ITPR1: variants seen among roughly 807,000 people sequenced by gnomAD.
The protein encoded by ITPR1 is inositol 1,4,5-trisphosphate-gated calcium channel ITPR1.
In ITPR1, 96 loss-of-function variants were observed where a neutral mutation model predicts 318.4. That is an observed-to-expected ratio of 0.30 (90% CI 0.26 to 0.36). The LOEUF is 0.36. ITPR1 is among the 10% of genes least tolerant of loss of function. The pLI is 1.00. For missense variants in ITPR1, 2,440 were observed against 3,460.2 expected, an observed-to-expected ratio of 0.71 and a Z score of 7.40; for synonymous variants, 1,312 against 1,289.9, an observed-to-expected ratio of 1.02 and a Z score of -0.37.
At chr3:4,827,685 A>T (rs2050167052) in intron 60 of ITPR1, among the ~76,000 whole-genome samples, 1 of 152,200 alleles carries the variant, frequency 6.6e-6, no homozygotes, top group Admixed American at 6.5e-5. Context: ...AGATTCCAAT[A>T]AGCAACATTC....
intron 30 of ITPR1, among the ~76,000 whole-genome samples, chr3:4,687,932 T>C (rs2094422524): frequency 6.6e-6 from 1 of 152,132 alleles, no homozygotes; most frequent in South Asian, 2.1e-4. Flanking sequence ...ATGGCAAAAG[T>C]TAATGTCTAA....
At chr3:4,701,164 C>A (rs1191330318) in intron 35 of ITPR1, among the ~76,000 whole-genome samples, 1 of 152,176 alleles carries the variant, frequency 6.6e-6, no homozygotes, top group Non-Finnish European at 1.5e-5. Flanking sequence ...AGGAGCAGAT[C>A]AGGTGTTCCA....
At chr3:4,704,032 A>G (rs535783091) in intron 36 of ITPR1, among the ~76,000 whole-genome samples, 1 of 152,320 alleles carries the variant, frequency 6.6e-6, no homozygotes, top group Admixed American at 6.5e-5. Flanking sequence ...ACACGTTCTC[A>G]CTTAAAGTGG....
intron 4 of ITPR1, among the ~76,000 whole-genome samples, chr3:4,591,529 A>G (rs902594832): frequency 2.0e-5 from 3 of 152,208 alleles, no homozygotes; most frequent in Non-Finnish European, 4.4e-5. Flanking sequence ...ACTTTGATTC[A>G]GGAAAGCATT....
intron 35 of ITPR1, 48 bp downstream of exon 35, chr3:4,699,989 C>T (rs767648583): frequency 1.9e-6 from 3 of 1,573,428 alleles, no homozygotes; most frequent in African/African-American, 1.3e-5. Flanking sequence ...ACACCTTCTG[C>T]AGTTGGGCTT....
intron 4 of ITPR1, among the ~76,000 whole-genome samples, chr3:4,620,228 C>T (rs908435140): frequency 6.6e-6 from 1 of 152,286 alleles, no homozygotes; most frequent in African/African-American, 2.4e-5. Context: ...TACTTAGTCA[C>T]TTTACTTCTA....
At chr3:4,821,117 C>T (rs747926027) in intron 60 of ITPR1, among the ~76,000 whole-genome samples, 1 of 152,204 alleles carries the variant, frequency 6.6e-6, no homozygotes, top group Non-Finnish European at 1.5e-5. Flanking sequence ...GCTACTCCAG[C>T]GTGGAGGACA....
intron 51 of ITPR1, among the ~76,000 whole-genome samples, chr3:4,786,254 G>C (rs1183972194): frequency 6.6e-6 from 1 of 152,222 alleles, no homozygotes; most frequent in Non-Finnish European, 1.5e-5. Flanking sequence ...TGGGGGAACT[G>C]CTTGTGTGCA....
At chr3:4,677,285 C>T (rs1454742830) in intron 24 of ITPR1, among the ~76,000 whole-genome samples, 12 of 152,160 alleles carry the variant, frequency 7.9e-5, no homozygotes, top group Non-Finnish European at 1.0e-4. Flanking sequence ...GAAATTCCTG[C>T]TTCTCTAGAA....
At chr3:4,584,102 C>A (rs1345383280) in intron 4 of ITPR1, among the ~76,000 whole-genome samples, 2 of 152,086 alleles carry the variant, frequency 1.3e-5, no homozygotes, top group Non-Finnish European at 2.9e-5. Context: ...TAATTTTGCT[C>A]ACGTTAAATT....
At chr3:4,691,820 G>T (rs143443519) in intron 32 of ITPR1, among the ~76,000 whole-genome samples, 36 of 152,274 alleles carry the variant, frequency 2.4e-4, no homozygotes, top group African/African-American at 7.9e-4. Context: ...TTACAATCTT[G>T]TCTACGTATA....
chr3:4,733,181 C>A lies in ITPR1; in HGVS notation c.5314C>A (p.Pro1772Thr), dbSNP rs531871826. 6.2e-7 allele frequency: 1 copy of A among 1,614,000 alleles called. No individual in the cohort carries two copies. The highest frequency in any genetic ancestry group is 1.3e-5 in the African/African-American group (1 of 75,044). ...RESLTSFGNG[P>T]LSAGGPGKPG... ...GAGCCTTACCAGCTTTGGCAATGGC[C>A]CACTGTCAGCAGGAGGACCCGGCAA... Residue 1772 changes from proline (P) to threonine (T), a missense_variant, in exon 43 of 62, where the codon CCA becomes ACA. Around this residue, in one of 23 missense-constraint regions of ITPR1, gnomAD observed 166 missense variants for 143.7 expected, o/e 1.16. Transcript: ENST00000649015.
In ITPR1 at chr3:4,516,597, A is replaced by G; in HGVS notation, c.92+14A>G. ...TAGCACCTTGGGGTAAGAGCATGCA[A>G]TTTCTTGTGTGGCACGGTTTGTTTA... On this transcript the variant is annotated intron_variant, in intron 3 of 61. Coordinates refer to ENST00000649015, the MANE Select transcript of ITPR1 (RefSeq NM_001378452.1). 2 of 1,518,010 alleles carry G rather than the reference A, an allele frequency of 1.3e-6. No homozygotes were observed. The highest frequency in any genetic ancestry group is 1.8e-6 in the Non-Finnish European group (2 of 1,099,072). 94.0% of individuals were successfully genotyped at this position (1,518,010 alleles called of 1,614,324 possible). A position where few individuals can be genotyped will look rare whatever the true frequency, so the allele number is the denominator to read the frequency against.
chr3:4,752,349 A>G (rs953174983), intron 44 of ITPR1, among the ~76,000 whole-genome samples: 4 of 152,314 alleles, frequency 2.6e-5, no homozygotes, highest in Admixed American at 1.3e-4. Flanking sequence ...GCTGTAGTTA[A>G]TCATGCAAGC....
intron 60 of ITPR1, among the ~76,000 whole-genome samples, chr3:4,821,714 C>T (rs2049734791): frequency 5.9e-5 from 9 of 152,168 alleles, no homozygotes; most frequent in Admixed American, 5.9e-4. Flanking sequence ...GATACTTCAC[C>T]TTTCCTAATT....
intron 56 of ITPR1, among the ~76,000 whole-genome samples, chr3:4,812,198 AT>A (rs1396208532): frequency 1.3e-5 from 2 of 152,044 alleles, no homozygotes; most frequent in African/African-American, 4.8e-5. Context: ...CTGCCACTGC[AT>A]GTGGCTAATT....
intron 4 of ITPR1, among the ~76,000 whole-genome samples, chr3:4,574,690 A>G (rs189113973): frequency 5.3e-5 from 8 of 152,366 alleles, no homozygotes; most frequent in African/African-American, 1.9e-4. Flanking sequence ...CTTGCTGAGC[A>G]GAGTACTTCT....
chr3:4,630,561 C>T (rs1390247107), intron 5 of ITPR1, among the ~76,000 whole-genome samples: 3 of 138,718 alleles, frequency 2.2e-5, no homozygotes, highest in African/African-American at 8.0e-5. Flanking sequence ...AAATTGTCCG[C>T]ATTATTATTA....
In ITPR1 at chr3:4,815,747, G is replaced by A. The variant is rs1241576061; in HGVS notation, c.7867+529G>A. ...CTGGGGAGCTGAGTAATCATTTCAG[G>A]ATTATTCATAATATAGCTACTAAAT... On this transcript the variant is annotated intron_variant, in intron 59 of 61. Transcript: ENST00000649015. Among the ~76,000 whole-genome samples, 3 of 152,054 alleles carry A rather than the reference G, an allele frequency of 2.0e-5. No individual in the cohort carries two copies. In the East Asian group the frequency reaches 5.8e-4, roughly 29 times the overall value.
Sources: gnomAD v4.1 joint callset for allele counts (sites outside exome capture counted in the v4.1 genomes callset) on GRCh38, gnomAD v4.1.1 for gene constraint, gnomAD v4.1.1 regional missense constraint, MANE v1.5 for transcripts, NCBI Gene and HGNC (gene_info 2026-07-23, HGNC 2026-07-21) for gene names.